The following THEMIS variants were observed in gnomAD, a reference collection of about 807,000 sequenced individuals.
THEMIS encodes the protein thymocyte selection associated.
In THEMIS, 37 loss-of-function variants were observed where a neutral mutation model predicts 52.6. The ratio of observed to expected loss-of-function variants is 0.70; its 90% CI spans 0.54 to 0.93. The LOEUF is 0.93. Ranked by LOEUF, THEMIS falls within the 40% of genes least tolerant of loss-of-function variation. The probability of loss-of-function intolerance (pLI) is 0.00; values close to 1 mark genes in which losing one functional copy is unlikely to be tolerated. For synonymous variants in THEMIS, 292 were observed against 272.7 expected (o/e 1.07, Z -0.70); for missense variants, 808 against 763.1 (o/e 1.06, Z -0.69).
At chr6:127,905,987 A>T (rs1353597379), upstream of THEMIS, among the ~76,000 whole-genome samples, 1 of 146,156 alleles carries the variant, frequency 6.8e-6, no homozygotes, top group African/African-American at 2.7e-5. Flanking sequence ...AAATGTAATT[A>T]AATGAAATAA....
intron 2 of THEMIS, among the ~76,000 whole-genome samples, chr6:127,839,396 A>G (rs1360713244): frequency 1.3e-5 from 2 of 152,100 alleles, no homozygotes; most frequent in Non-Finnish European, 1.5e-5. Context: ...GTTGTTTTAC[A>G]TATTTGTTCA....
chr6:127,699,965 T>C, the THEMIS span, among the ~76,000 whole-genome samples: 4 of 151,860 alleles, frequency 2.6e-5, no homozygotes, highest in South Asian at 2.1e-4. Flanking sequence ...TCAAACTCCA[T>C]TAAAATTAAG....
chr6:127,913,463 G>C (rs1356188681), intron 1 of THEMIS, among the ~76,000 whole-genome samples: 1 of 152,078 alleles, frequency 6.6e-6, no homozygotes, highest in Non-Finnish European at 1.5e-5. Flanking sequence ...ACTATGCTAA[G>C]AAATGTTTTC....
intron 4 of THEMIS, among the ~76,000 whole-genome samples, chr6:127,724,119 A>G (rs1168663652): frequency 6.6e-6 from 1 of 152,106 alleles, no homozygotes; most frequent in Admixed American, 6.6e-5. Context: ...CATCACTCCT[A>G]ACAGTACTGC....
chr6:127,839,108 A>C (rs1778962380), intron 2 of THEMIS, among the ~76,000 whole-genome samples: 1 of 152,120 alleles, frequency 6.6e-6, no homozygotes. Context: ...CTCAAGAGGC[A>C]ACATAGTAAT....
intron 4 of THEMIS, among the ~76,000 whole-genome samples, chr6:127,774,482 G>T (rs1418277892): frequency 6.6e-6 from 1 of 152,238 alleles, no homozygotes; most frequent in Non-Finnish European, 1.5e-5. Context: ...TGGGATTACA[G>T]GCGTGAGCCA....
chr6:127,845,257 T>C (rs1779175865), intron 2 of THEMIS, among the ~76,000 whole-genome samples: 1 of 151,948 alleles, frequency 6.6e-6, no homozygotes, highest in Admixed American at 6.6e-5. Flanking sequence ...TGCCAAGGTA[T>C]TGTCATCTTC....
Position 127,708,405 on chromosome 6 carries a change from G to A in THEMIS, c.*1580C>T, listed in dbSNP as rs1445464343. On this transcript the variant is annotated 3_prime_UTR_variant, in exon 6 of 6. Transcript: ENST00000368248. ...GCATTCTCTTAATTTTCTAATCAAAGAATGGTAGTTACTAAAAGTACAAAT... is the reference window on the plus strand; with the variant it reads ...GCATTCTCTTAATTTTCTAATCAAAAAATGGTAGTTACTAAAAGTACAAAT... 6.6e-6 allele frequency: 1 copy of A among 152,084 alleles called. No individual in the cohort carries two copies. The highest frequency in any genetic ancestry group is 1.5e-5 in the Non-Finnish European group (1 of 67,990). 9.4% of individuals were successfully genotyped at this position (152,084 alleles called of 1,614,324 possible). A position where few individuals can be genotyped will look rare whatever the true frequency, so the allele number is the denominator to read the frequency against.
At chr6:127,870,632 T>C (rs1052546190) in intron 1 of THEMIS, among the ~76,000 whole-genome samples, 1 of 152,160 alleles carries the variant, frequency 6.6e-6, no homozygotes, top group Non-Finnish European at 1.5e-5. Flanking sequence ...TGAAAGAAGA[T>C]GGATGGAAAA....
intron 4 of THEMIS, among the ~76,000 whole-genome samples, chr6:127,797,788 G>A (rs534208582): frequency 6.6e-6 from 1 of 152,312 alleles, no homozygotes; most frequent in East Asian, 1.9e-4. Context: ...TAATTTATCT[G>A]AGGTGAAAGA....
intron 4 of THEMIS, among the ~76,000 whole-genome samples, chr6:127,722,818 A>T (rs1026564394): frequency 1.3e-5 from 2 of 152,008 alleles, no homozygotes; most frequent in African/African-American, 4.8e-5. Context: ...CATTTTTCAT[A>T]AAAAGGCTTT....
the THEMIS span, among the ~76,000 whole-genome samples, chr6:127,703,042 T>TTTTTTTG: frequency 9.4e-6 from 1 of 106,526 alleles, no homozygotes; most frequent in Non-Finnish European, 2.0e-5. Context: ...TGAGTTTTTT[T>TTTTTTTG]TTTTTTTTTT....
At chr6:127,812,440 T>G (rs1033227235) in intron 4 of THEMIS, among the ~76,000 whole-genome samples, 3 of 152,186 alleles carry the variant, frequency 2.0e-5, no homozygotes, top group Admixed American at 2.0e-4. Context: ...TGAAGACATG[T>G]GCTATAGATG....
chr6:127,870,211 G>T (rs565440949), intron 1 of THEMIS, among the ~76,000 whole-genome samples: 2 of 152,134 alleles, frequency 1.3e-5, no homozygotes, highest in South Asian at 2.1e-4. Context: ...CTTCCCAGCC[G>T]CATGATGTAA....
rs748106119 is a variant in THEMIS, at chr6:127,813,370, G to A, written c.1271C>T (p.Ala424Val). The change falls in exon 4 of 6, where the codon GCG (alanine) becomes GTG (valine). Residue 424 changes from alanine (A) to valine (V), a missense_variant. By Grantham distance (64) the Ala-to-Val change is moderately conservative. Transcript: ENST00000368248. Reference sequence around the variant, plus strand: ...TCCTTCCATGTACAAAGGGAGCAGCGCAGCCTCATAGGACTTTTTGAGGAT... The same window carrying A: ...TCCTTCCATGTACAAAGGGAGCAGCACAGCCTCATAGGACTTTTTGAGGAT... ...EKILKKSYEA[A>V]LLPLYMEGGF... The A allele has an allele frequency of 1.9e-6, 3 of 1,613,832 alleles. No homozygotes were observed. The highest frequency in any genetic ancestry group is 2.5e-6 in the Non-Finnish European group (3 of 1,179,978).
chr6:127,778,831 A>ATT lies in THEMIS; in HGVS notation c.1758+34050_1758+34051dup, dbSNP rs58524604. Among the ~76,000 whole-genome samples the ATT allele has an allele frequency of 2.1e-4, 30 of 142,268 alleles. No homozygotes were observed. The East Asian group carries it at 4.5e-3, about 22-fold the overall frequency. The allele number at this position is 142,268 out of a possible 152,430, so 93.3% of individuals were successfully genotyped here. ...TAGTCCTAAAAGTCACTCAAGTGGA[A>ATT]TTTTTTTTTTTTTTTTTGCTAAAAA... On this transcript the variant is annotated intron_variant, in intron 4 of 5. Coordinates refer to ENST00000368248, the MANE Select transcript of THEMIS (RefSeq NM_001010923.3).
At chr6:127,908,103 A>T (rs1781322919) in intron 1 of THEMIS, among the ~76,000 whole-genome samples, 3 of 152,110 alleles carry the variant, frequency 2.0e-5, no homozygotes, top group Admixed American at 2.0e-4. Flanking sequence ...CGGCACTTTT[A>T]GTTTCCTTTT....
At chr6:127,847,217 C>G (rs942708924) in intron 2 of THEMIS, among the ~76,000 whole-genome samples, 4 of 151,926 alleles carry the variant, frequency 2.6e-5, no homozygotes, top group Admixed American at 6.6e-5. Flanking sequence ...CCACTGAGAA[C>G]TGGAATAAGA....
At chr6:127,867,393 T>C (rs552230342) in intron 1 of THEMIS, among the ~76,000 whole-genome samples, 1 of 152,256 alleles carries the variant, frequency 6.6e-6, no homozygotes, top group South Asian at 2.1e-4. Flanking sequence ...AGGTTTCTAT[T>C]GAATTATCAT....
Sources: allele counts gnomAD v4.1 joint callset (sites outside exome capture counted in the v4.1 genomes callset), GRCh38; gene constraint gnomAD v4.1.1; transcripts MANE v1.5; gene names NCBI Gene and HGNC (gene_info 2026-07-23, HGNC 2026-07-21).